Variants in ZNF292 observed in about 807,000 individuals in gnomAD.
ZNF292 encodes 16 zinc-finger domain protein.
ZNF292 carries 26 observed loss-of-function variants against 217.9 expected under a neutral mutation model. The ratio of observed to expected loss-of-function variants is 0.12; its 90% CI spans 0.09 to 0.17. The LOEUF (loss-of-function observed/expected upper bound fraction) is 0.17. Ranked by LOEUF, ZNF292 falls within the 10% of genes least tolerant of loss-of-function variation. ZNF292 has a pLI of 1.00. For missense variants in ZNF292, 2,904 were observed against 3,175.2 expected (o/e 0.91, Z 2.05); for synonymous variants, 1,257 against 1,124.1 (o/e 1.12, Z -2.37).
chr6:87,255,642 A>C lies in ZNF292; in HGVS notation c.2013A>C (p.Pro671=), dbSNP rs1045974647. 1 of 1,612,964 alleles carries C rather than the reference A, an allele frequency of 6.2e-7. No homozygotes were observed. Among genetic ancestry groups the C allele is most frequent in the Admixed American group, 1.7e-5 (1 of 59,776 alleles). ...KDKSYEPEVI[P]VQKPVPVNEF... is the part of the protein sequence containing the mutation. ...AATCCTATGAGCCAGAAGTGATTCCAGTCCAGAAACCAGTACCTGTTAATG... is the reference window on the plus strand; with the variant it reads ...AATCCTATGAGCCAGAAGTGATTCCCGTCCAGAAACCAGTACCTGTTAATG... Residue 671 remains proline, a synonymous_variant, in exon 8 of 8, where the codon CCA becomes CCC. Transcript: ENST00000369577.
At chr6:87,201,045 G>A (rs766066305) in intron 1 of ZNF292, among the ~76,000 whole-genome samples, 2 of 152,152 alleles carry the variant, frequency 1.3e-5, no homozygotes, top group Non-Finnish European at 2.9e-5. Context: ...AGATTCTCCT[G>A]AATTCTCACA....
intron 5 of ZNF292, among the ~76,000 whole-genome samples, chr6:87,236,140 A>T (rs73485811): frequency 0.082 from 12,440 of 152,072 alleles, 864 homozygotes; most frequent in African/African-American, 0.19. Context: ...TCACTTGCCC[A>T]CCCTACTCTT....
At chr6:87,203,470 G>T (rs112342650) in intron 1 of ZNF292, among the ~76,000 whole-genome samples, 19 of 151,944 alleles carry the variant, frequency 1.3e-4, no homozygotes, top group South Asian at 1.2e-3. Context: ...TTATCCTCAC[G>T]TTTCTAGGAT....
At chr6:87,187,843 G>C (rs1771711360) in intron 1 of ZNF292, among the ~76,000 whole-genome samples, 2 of 151,920 alleles carry the variant, frequency 1.3e-5, no homozygotes, top group Non-Finnish European at 2.9e-5. Flanking sequence ...AATGCCTGTA[G>C]ACCCCAGGCA....
chr6:87,260,076 G>T lies in ZNF292; in HGVS notation c.6447G>T (p.Glu2149Asp). 6.2e-7 allele frequency: 1 copy of T among 1,613,524 alleles called. No homozygotes were observed. The highest frequency in any genetic ancestry group is 8.5e-7 in the Non-Finnish European group (1 of 1,179,612). ...CAGATCTACCTGCATTTTCAGCAGA[G>T]GTCGAAGAGGAAAGTGAAGCTGGTA... ...HKSDLPAFSA[E>D]VEEESEAGKE... The change falls in exon 8 of 8, where the codon GAG (glutamate) becomes GAT (aspartate). Residue 2149 changes from glutamate to aspartate, a missense_variant. Physicochemically the swap from Glu to Asp is conservative, Grantham distance 45 (BLOSUM62 2). Around this residue, in one of 15 missense-constraint regions of ZNF292, gnomAD observed 261 missense variants for 272.8 expected, o/e 0.96. Transcript: ENST00000369577.
At position 87,254,673 on chromosome 6, in the gene ZNF292, C is replaced by T; in HGVS notation, c.1044C>T (p.Thr348=). The T allele has an allele frequency of 2.5e-6, 4 of 1,599,612 alleles. No homozygotes were observed. Among genetic ancestry groups the T allele is most frequent in the Non-Finnish European group, 3.4e-6 (4 of 1,171,298 alleles). ...NSETEGAGLA[T]CIELCVKALR... The stretch of plus-strand genomic sequence containing the variant: ...AGACTGAAGGGGCTGGACTTGCTAC[C>T]TGTATAGAACTGTGTGTAAAGGCTC... Residue 348 remains threonine (T), a synonymous_variant, in exon 8 of 8, where the codon ACC becomes ACT. Transcript: ENST00000369577.
Position 87,264,346 on chromosome 6 carries a change from T to A in ZNF292, c.*2545T>A, listed in dbSNP as rs1775745714. The A allele has an allele frequency of 1.3e-5, 2 of 152,214 alleles. No homozygotes were observed. The highest frequency in any genetic ancestry group is 4.1e-4 in the South Asian group (2 of 4,836). The allele number at this position is 152,214 out of a possible 1,614,324, so 9.4% of individuals were successfully genotyped here. A position where few individuals can be genotyped will look rare whatever the true frequency, so the allele number is the denominator to read the frequency against. Reference sequence around the variant, plus strand: ...TTGTATTATTCAAAATACATCACCTTAAGTGAAATGTAACAGTTTTTGAAA... The same window carrying A: ...TTGTATTATTCAAAATACATCACCTAAAGTGAAATGTAACAGTTTTTGAAA... On this transcript the variant is annotated 3_prime_UTR_variant, in exon 8 of 8. Coordinates refer to ENST00000369577, the MANE Select transcript of ZNF292 (RefSeq NM_015021.3).
intron 7 of ZNF292, among the ~76,000 whole-genome samples, chr6:87,252,666 G>A (rs1774982137): frequency 6.6e-6 from 1 of 152,156 alleles, no homozygotes; most frequent in Admixed American, 6.5e-5. Context: ...GTAGTATGCA[G>A]CTTCACAGAC....
intron 1 of ZNF292, among the ~76,000 whole-genome samples, chr6:87,198,325 C>T (rs1464801036): frequency 6.6e-6 from 1 of 152,146 alleles, no homozygotes; most frequent in Non-Finnish European, 1.5e-5. Flanking sequence ...CTGCCTTAGC[C>T]TCCCGAGTAG....
chr6:87,181,224 C>T (rs926125286), intron 1 of ZNF292, among the ~76,000 whole-genome samples: 3 of 151,872 alleles, frequency 2.0e-5, no homozygotes, highest in South Asian at 2.1e-4. Context: ...CACGCAGGCT[C>T]GAAGGATGAG....
chr6:87,169,696 G>C (rs1043815726), intron 1 of ZNF292: 13 of 441,752 alleles, frequency 2.9e-5, no homozygotes, highest in Non-Finnish European at 5.5e-5. Flanking sequence ...ACCCAGGCTG[G>C]AATGCAGTGA....
Position 87,265,789 on chromosome 6 carries a change from A to G in ZNF292, c.*3988A>G, listed in dbSNP as rs1453155847. On this transcript the variant is annotated 3_prime_UTR_variant, in exon 8 of 8. Coordinates refer to ENST00000369577, the MANE Select transcript of ZNF292 (RefSeq NM_015021.3). Reference sequence around the variant, plus strand: ...TATCAGCTGTTTGCAAATGGTGATTATTCTGATTGATCAATTTATATATCC... The same window carrying G: ...TATCAGCTGTTTGCAAATGGTGATTGTTCTGATTGATCAATTTATATATCC... Among the ~76,000 whole-genome samples the G allele has an allele frequency of 6.6e-6, 1 of 152,152 alleles. No individual in the cohort carries two copies. Among genetic ancestry groups the G allele is most frequent in the African/African-American group, 2.4e-5 (1 of 41,432 alleles).
In ZNF292 at chr6:87,155,633, C is replaced by A. The variant is rs761275520; in HGVS notation, c.42C>A (p.Gly14=). The A allele has an allele frequency of 4.4e-6, 7 of 1,582,518 alleles. No individual in the cohort carries two copies. The African/African-American group carries it at 9.4e-5, about 21-fold the overall frequency. Residue 14 remains glycine (G), a synonymous_variant, in exon 1 of 8, where the codon GGC becomes GGA. Transcript: ENST00000369577. ...EEAEQERLSC[G]EGGCVAELQR... Reference sequence around the variant, plus strand: ...CCGAGCAGGAGAGGTTGAGTTGCGGCGAAGGCGGCTGCGTCGCGGAGCTGC... The same window carrying A: ...CCGAGCAGGAGAGGTTGAGTTGCGGAGAAGGCGGCTGCGTCGCGGAGCTGC...
chr6:87,212,502 T>A (rs907862333), intron 1 of ZNF292, among the ~76,000 whole-genome samples: 1 of 152,192 alleles, frequency 6.6e-6, no homozygotes, highest in African/African-American at 2.4e-5. Flanking sequence ...AGCCTAATGT[T>A]ATCTCATTAA....
Position 87,257,235 on chromosome 6 carries a change from ATTG to A in ZNF292, c.3611_3613del (p.Leu1204del), listed in dbSNP as rs769971811. ...CTCATTTAGCAAGTGTGTCAACTCC[ATTG>A]TTGTCCTCAATGGAAAGTGTCATAA... On this transcript the variant is annotated inframe_deletion, in exon 8 of 8. Transcript: ENST00000369577. 37 of 1,613,704 alleles carry A rather than the reference ATTG, an allele frequency of 2.3e-5. No individual in the cohort carries two copies. The highest frequency in any genetic ancestry group is 2.0e-4 in the East Asian group (9 of 44,896).
At chr6:87,226,143 A>G (rs1773332412) in intron 4 of ZNF292, among the ~76,000 whole-genome samples, 1 of 152,144 alleles carries the variant, frequency 6.6e-6, no homozygotes, top group African/African-American at 2.4e-5. Flanking sequence ...TTAATTTGCA[A>G]TTGCATAAAT....
At chr6:87,198,180 T>TTTTATTTATTTATTTA (rs146558783) in intron 1 of ZNF292, among the ~76,000 whole-genome samples, 4 of 147,628 alleles carry the variant, frequency 2.7e-5, no homozygotes, top group African/African-American at 7.6e-5. Flanking sequence ...TGCATGTTTA[T>TTTTATTTATTTATTTA]TTTATTTATT....
chr6:87,168,403 A>G (rs1342921746), intron 1 of ZNF292, among the ~76,000 whole-genome samples: 3 of 152,210 alleles, frequency 2.0e-5, no homozygotes. Context: ...TACCTGGAAA[A>G]TGTCTTCATG....
In ZNF292 at chr6:87,183,328, A is replaced by G. The variant is rs144398930; in HGVS notation, c.168+27569A>G. Among the ~76,000 whole-genome samples the G allele has an allele frequency of 1.0e-3, 152 of 152,302 alleles. 7 individuals carry two copies. The East Asian group carries it at 0.023, about 23-fold the overall frequency. On this transcript the variant is annotated intron_variant, in intron 1 of 7. Transcript: ENST00000369577. ...ATAATTTAAAATATATATTGTTATC[A>G]AATACTTTTTTTTTCTTACAGGCTG... is the stretch of plus-strand genomic sequence containing the variant.
Sources: gnomAD v4.1 joint callset for allele counts (sites outside exome capture counted in the v4.1 genomes callset) on GRCh38, gnomAD v4.1.1 for gene constraint, gnomAD v4.1.1 regional missense constraint, MANE v1.5 for transcripts, NCBI Gene and HGNC (gene_info 2026-07-23, HGNC 2026-07-21) for gene names.